Variants in FAM228A observed in about 807,000 individuals in gnomAD.
FAM228A encodes the protein protein FAM228A.
A neutral mutation model predicts 18.6 loss-of-function variants in FAM228A; 13 were observed. The observed-to-expected ratio is 0.70, with a 90% confidence interval of 0.45 to 1.11. FAM228A has a LOEUF of 1.11. FAM228A is among the 50% of genes least tolerant of loss of function. The probability of loss-of-function intolerance (pLI) is 0.00; values close to 1 mark genes in which losing one functional copy is unlikely to be tolerated. For missense variants in FAM228A, 240 were observed against 242.2 expected (o/e 0.99, Z 0.06); for synonymous variants, 77 against 86.6 (o/e 0.89, Z 0.61).
At position 24,190,796 on chromosome 2, in the gene FAM228A, T is replaced by C; in HGVS notation, c.*165T>C. On this transcript the variant is annotated 3_prime_UTR_variant, in exon 6 of 6. Coordinates refer to ENST00000295150, the MANE Select transcript of FAM228A (RefSeq NM_001040710.3). ...GCGGGGAAGCCTTGCATGAAGAAAC[T>C]CAGACAAGTGGTAAATGTGGGACCT... 7.6e-7 allele frequency: 1 copy of C among 1,318,778 alleles called. No homozygotes were observed. Among genetic ancestry groups the C allele is most frequent in the Non-Finnish European group, 9.7e-7 (1 of 1,030,208 alleles). 81.7% of individuals were successfully genotyped at this position (1,318,778 alleles called of 1,614,324 possible).
intron 5 of FAM228A, among the ~76,000 whole-genome samples, chr2:24,187,343 A>C (rs1403563584): frequency 6.6e-6 from 1 of 152,150 alleles, no homozygotes; most frequent in Admixed American, 6.5e-5. Context: ...GTACCTAGAG[A>C]GTTCTCGTAC....
chr2:24,185,230 C>CCT (rs1188462818), intron 5 of FAM228A, among the ~76,000 whole-genome samples: 1 of 152,072 alleles, frequency 6.6e-6, no homozygotes, highest in Non-Finnish European at 1.5e-5. Flanking sequence ...TTAATGATAC[C>CCT]CATTTTCCTC....
At chr2:24,186,360 T>C (rs1386064143) in intron 5 of FAM228A, among the ~76,000 whole-genome samples, 1 of 152,208 alleles carries the variant, frequency 6.6e-6, no homozygotes, top group African/African-American at 2.4e-5. Flanking sequence ...TTATACCTTT[T>C]ATTTCTTTTC....
In FAM228A at chr2:24,190,604, C is replaced by G; in HGVS notation, c.594C>G (p.His198Gln). The change falls in exon 6 of 6, where the codon CAC becomes CAG. Residue 198 changes from histidine to glutamine, a missense_variant. Transcript: ENST00000295150. ...GGCATGCAGGGCTTTGCAGCACCCA[C>G]GAGCAGCACATACTGGTTCCAGAAT... Reference protein sequence around the residue: ...RGWHAGLCSTHEQHILVPE With the variant: ...RGWHAGLCSTQEQHILVPE 1 of 1,588,616 alleles carries G rather than the reference C, an allele frequency of 6.3e-7. No homozygotes were observed. The highest frequency in any genetic ancestry group is 1.2e-5 in the South Asian group (1 of 86,838).
rs144157144 is a variant in FAM228A, at chr2:24,181,021, A to T, written c.163-2264A>T. The stretch of plus-strand genomic sequence containing the variant: ...ACTAGTGTCTGTACCTGCAAGTTAC[A>T]AGGCAGATTTAAACTCAACCTAAGG... On this transcript the variant is annotated intron_variant, in intron 3 of 5. Coordinates refer to ENST00000295150, the MANE Select transcript of FAM228A (RefSeq NM_001040710.3). 5.3e-5 allele frequency among the ~76,000 whole-genome samples: 8 copies of T among 152,286 alleles called. No homozygotes were observed. In the East Asian group the frequency reaches 1.4e-3, roughly 26 times the overall value.
At chr2:24,183,431 C>T (rs1447182755) in intron 4 of FAM228A, 59 bp downstream of exon 4, 1 of 1,609,410 alleles carries the variant, frequency 6.2e-7, no homozygotes, top group Non-Finnish European at 8.5e-7. Flanking sequence ...AGTGATTTCT[C>T]ACTCCTTCAA....
At chr2:24,180,618 G>A (rs2151042901) in intron 3 of FAM228A, among the ~76,000 whole-genome samples, 1 of 152,304 alleles carries the variant, frequency 6.6e-6, no homozygotes, top group Admixed American at 6.5e-5. Context: ...GATTTCATGG[G>A]TATAGGGAGG....
chr2:24,180,685 C>T (rs1336051442), intron 3 of FAM228A, among the ~76,000 whole-genome samples: 1 of 152,080 alleles, frequency 6.6e-6, no homozygotes, highest in Non-Finnish European at 1.5e-5. Context: ...TCAGTAAAGT[C>T]GTTGTGAATC....
rs1668088236 is a variant in FAM228A at position 24,191,656 on chromosome 2, T to G, written c.*1025T>G. ...GTGTGTGGTGAGAATACTCACAATC[T>G]ACTCTCTGAGCAAACTGCAAATATA... On this transcript the variant is annotated 3_prime_UTR_variant, in exon 6 of 6. Transcript: ENST00000295150. 1 of 228,080 alleles carries G rather than the reference T, an allele frequency of 4.4e-6. No individual in the cohort carries two copies. The highest frequency in any genetic ancestry group is 7.3e-6 in the Non-Finnish European group (1 of 137,362). The allele number at this position is 228,080 out of a possible 1,614,324, so 14.1% of individuals were successfully genotyped here.
chr2:24,176,441 CCTGGG>C lies in FAM228A; in HGVS notation c.93+871_93+875del, dbSNP rs532366493. Among the ~76,000 whole-genome samples the C allele has an allele frequency of 3.8e-3, 586 of 152,338 alleles. 5 individuals carry two copies. The highest frequency in any genetic ancestry group is 0.014 in the African/African-American group (575 of 41,578). On this transcript the variant is annotated intron_variant, in intron 2 of 5. Coordinates refer to ENST00000295150, the MANE Select transcript of FAM228A (RefSeq NM_001040710.3). ...TCATAGCTCTCTGTAACCTCAGACT[CCTGGG>C]CTCAAGTAATTCTCCTGCCTGGGCC...
chr2:24,189,679 A>G (rs1315432467), intron 5 of FAM228A, among the ~76,000 whole-genome samples: 1 of 152,172 alleles, frequency 6.6e-6, no homozygotes, highest in African/African-American at 2.4e-5. Flanking sequence ...TGGGGCAGAA[A>G]TGGTGGCAGC....
Position 24,191,133 on chromosome 2 carries a change from A to G in FAM228A, c.*502A>G, listed in dbSNP as rs7564420. On this transcript the variant is annotated 3_prime_UTR_variant, in exon 6 of 6. Transcript: ENST00000295150. ...AGTATGGATTTCTTATCCAGAGCTC[A>G]TGGTTCATTTGACACAGTTTTCAGC... The G allele has an allele frequency of 0.63, 616,062 of 984,986 alleles. 193,437 individuals are homozygous for G. Among genetic ancestry groups the G allele is most frequent in the Admixed American group, 0.74 (12,097 of 16,318 alleles). 61.0% of individuals were successfully genotyped at this position (984,986 alleles called of 1,614,324 possible). A position where few individuals can be genotyped will look rare whatever the true frequency, so the allele number is the denominator to read the frequency against.
At chr2:24,183,881 C>G (rs1667876026) in intron 5 of FAM228A, among the ~76,000 whole-genome samples, 1 of 152,108 alleles carries the variant, frequency 6.6e-6, no homozygotes, top group Non-Finnish European at 1.5e-5. Context: ...GGGAGCCTGC[C>G]CCCTCCCGAG....
chr2:24,191,032 A>C lies in FAM228A; in HGVS notation c.*401A>C. 1 of 997,406 alleles carries C rather than the reference A, an allele frequency of 1.0e-6. No homozygotes were observed. The highest frequency in any genetic ancestry group is 1.2e-6 in the Non-Finnish European group (1 of 838,094). The allele number at this position is 997,406 out of a possible 1,614,324, so 61.8% of individuals were successfully genotyped here. ...AACTGGTGGGAAGTTTTTGAAATGA[A>C]ATTTATACCAAAAAATTAGGGCAAG... On this transcript the variant is annotated 3_prime_UTR_variant, in exon 6 of 6. Coordinates refer to ENST00000295150, the MANE Select transcript of FAM228A (RefSeq NM_001040710.3).
Position 24,190,995 on chromosome 2 carries a change from T to C in FAM228A, c.*364T>C. ...ACTGCACCAAAGATGGTGTTCTCCT[T>C]AGTCCACACACAACTGGTGGGAAGT... On this transcript the variant is annotated 3_prime_UTR_variant, in exon 6 of 6. Coordinates refer to ENST00000295150, the MANE Select transcript of FAM228A (RefSeq NM_001040710.3). 9.8e-7 allele frequency: 1 copy of C among 1,022,014 alleles called. No individual in the cohort carries two copies. The highest frequency in any genetic ancestry group is 1.2e-6 in the Non-Finnish European group (1 of 854,072). The allele number at this position is 1,022,014 out of a possible 1,614,324, so 63.3% of individuals were successfully genotyped here. A position where few individuals can be genotyped will look rare whatever the true frequency, so the allele number is the denominator to read the frequency against.
rs1668072589 is a variant in FAM228A, at chr2:24,191,027, A to G, written c.*396A>G. 1.0e-6 allele frequency: 1 copy of G among 1,000,038 alleles called. No homozygotes were observed. The highest frequency in any genetic ancestry group is 4.7e-5 in the South Asian group (1 of 21,424). 61.9% of individuals were successfully genotyped at this position (1,000,038 alleles called of 1,614,324 possible). ...CACACAACTGGTGGGAAGTTTTTGA[A>G]ATGAAATTTATACCAAAAAATTAGG... On this transcript the variant is annotated 3_prime_UTR_variant, in exon 6 of 6. Coordinates refer to ENST00000295150, the MANE Select transcript of FAM228A (RefSeq NM_001040710.3).
chr2:24,184,910 C>G (rs1667908085), intron 5 of FAM228A, among the ~76,000 whole-genome samples: 1 of 151,244 alleles, frequency 6.6e-6, no homozygotes, highest in African/African-American at 2.4e-5. Context: ...GCAACCTCTG[C>G]CTCCCGGGTT....
At position 24,190,969 on chromosome 2, in the gene FAM228A, A is replaced by C; in HGVS notation, c.*338A>C. 1 of 1,044,808 alleles carries C rather than the reference A, an allele frequency of 9.6e-7. No homozygotes were observed. The allele number at this position is 1,044,808 out of a possible 1,614,324, so 64.7% of individuals were successfully genotyped here. A position where few individuals can be genotyped will look rare whatever the true frequency, so the allele number is the denominator to read the frequency against. On this transcript the variant is annotated 3_prime_UTR_variant, in exon 6 of 6. Transcript: ENST00000295150. Reference sequence around the variant, plus strand: ...TACCATTTTCCACTTACTCCATCCAAACTGCACCAAAGATGGTGTTCTCCT... The same window carrying C: ...TACCATTTTCCACTTACTCCATCCACACTGCACCAAAGATGGTGTTCTCCT...
Position 24,191,439 on chromosome 2 carries a change from A to C in FAM228A, c.*808A>C. 1 of 985,398 alleles carries C rather than the reference A, an allele frequency of 1.0e-6. No homozygotes were observed. Among genetic ancestry groups the C allele is most frequent in the Non-Finnish European group, 1.2e-6 (1 of 829,904 alleles). 61.0% of individuals were successfully genotyped at this position (985,398 alleles called of 1,614,324 possible). On this transcript the variant is annotated 3_prime_UTR_variant, in exon 6 of 6. Transcript: ENST00000295150. ...AGTAAGGGATTCTCCGTCTGTGGTA[A>C]GTTACCTGTGACTCTTCAGCAGTTT...
Sources: allele counts gnomAD v4.1 joint callset (sites outside exome capture counted in the v4.1 genomes callset), GRCh38; gene constraint gnomAD v4.1.1; transcripts MANE v1.5; gene names NCBI Gene and HGNC (gene_info 2026-07-23, HGNC 2026-07-21).